The following NAALADL2 variants were observed in gnomAD, a reference collection of about 807,000 sequenced individuals.
The protein encoded by NAALADL2 is N-acetylated alpha-linked acidic dipeptidase like 2, also known as inactive N-acetylated-alpha-linked acidic dipeptidase-like protein 2.
A neutral mutation model predicts 87.2 loss-of-function variants in NAALADL2; 76 were observed. That is an observed-to-expected ratio of 0.87 (90% CI 0.72 to 1.05). The LOEUF is 1.05. Ranked by LOEUF, NAALADL2 falls within the 50% of genes least tolerant of loss-of-function variation. The probability of loss-of-function intolerance (pLI) is 0.00; values close to 1 mark genes in which losing one functional copy is unlikely to be tolerated. For missense variants in NAALADL2, 1,089 were observed against 945.8 expected, an observed-to-expected ratio of 1.15 and a Z score of -1.99; for synonymous variants, 354 against 331.0, an observed-to-expected ratio of 1.07 and a Z score of -0.75.
intron 6 of NAALADL2, among the ~76,000 whole-genome samples, chr3:175,449,394 C>CTTCTTTTTTTTT (rs1212551637): frequency 0.032 from 1,536 of 48,466 alleles, 21 homozygotes; most frequent in East Asian, 0.13. Flanking sequence ...TAATTTTCTT[C>CTTCTTTTTTTTT]TTTTTTTTTT....
intron 3 of NAALADL2, among the ~76,000 whole-genome samples, chr3:174,801,180 A>C (rs1398446348): frequency 6.6e-6 from 1 of 152,070 alleles, no homozygotes; most frequent in Non-Finnish European, 1.5e-5. Flanking sequence ...GGGCAGAATT[A>C]TATGGTTTGA....
chr3:174,789,194 T>C (rs1372513533), intron 3 of NAALADL2, among the ~76,000 whole-genome samples: 1 of 152,182 alleles, frequency 6.6e-6, no homozygotes, highest in African/African-American at 2.4e-5. Flanking sequence ...ACTCCAGGAC[T>C]GGGAGAGAGC....
intron 4 of NAALADL2, among the ~76,000 whole-genome samples, chr3:175,303,095 A>G (rs1213538920): frequency 2.0e-5 from 3 of 152,146 alleles, no homozygotes; most frequent in African/African-American, 4.8e-5. Flanking sequence ...CACATAACAT[A>G]CACATGGCAT....
intron 1 of NAALADL2, among the ~76,000 whole-genome samples, chr3:174,497,548 T>C (rs1396716199): frequency 6.6e-6 from 1 of 152,182 alleles, no homozygotes; most frequent in East Asian, 1.9e-4. Flanking sequence ...GTATACTTCC[T>C]CCATGGTCAT....
chr3:175,253,181 C>T (rs1394364743), intron 3 of NAALADL2, among the ~76,000 whole-genome samples: 1 of 152,136 alleles, frequency 6.6e-6, no homozygotes, highest in Non-Finnish European at 1.5e-5. Context: ...GGCCAGGCTT[C>T]CAAGCTCCAA....
chr3:175,389,032 C>T (rs1012064696), intron 5 of NAALADL2, among the ~76,000 whole-genome samples: 6 of 151,946 alleles, frequency 3.9e-5, no homozygotes, highest in African/African-American at 1.5e-4. Flanking sequence ...AGATAATCAT[C>T]CTGGAACCAT....
chr3:175,335,066 G>T (rs1053281710), intron 5 of NAALADL2, among the ~76,000 whole-genome samples: 6 of 152,076 alleles, frequency 3.9e-5, no homozygotes, highest in Non-Finnish European at 8.8e-5. Context: ...GAGACAACAG[G>T]CTCTCTCTTG....
chr3:175,550,451 A>G (rs1476648002), intron 9 of NAALADL2, among the ~76,000 whole-genome samples: 1 of 152,154 alleles, frequency 6.6e-6, no homozygotes, highest in Non-Finnish European at 1.5e-5. Context: ...TAGAAACAAC[A>G]TGAAGGCAAA....
intron 11 of NAALADL2, among the ~76,000 whole-genome samples, chr3:175,671,432 A>G (rs1733990733): frequency 6.6e-6 from 1 of 151,926 alleles, no homozygotes; most frequent in Non-Finnish European, 1.5e-5. Context: ...CCTCTTAATG[A>G]TAGTTTCAGA....
chr3:175,685,022 G>T (rs1255212847), intron 11 of NAALADL2, among the ~76,000 whole-genome samples: 3 of 152,108 alleles, frequency 2.0e-5, no homozygotes, highest in Non-Finnish European at 4.4e-5. Context: ...GGAGAGGTTT[G>T]CATAATTTTA....
chr3:175,442,483 T>G (rs559110771), intron 5 of NAALADL2, among the ~76,000 whole-genome samples: 1 of 152,312 alleles, frequency 6.6e-6, no homozygotes, highest in Non-Finnish European at 1.5e-5. Context: ...ACTTTGGCTC[T>G]ATGGCTCTGA....
At chr3:174,897,957 C>T (rs1327451320) in intron 1 of NAALADL2, among the ~76,000 whole-genome samples, 32 of 142,322 alleles carry the variant, frequency 2.2e-4, no homozygotes, top group Non-Finnish European at 3.0e-5. Flanking sequence ...ACTAAAAATA[C>T]AAAAAATTAG....
At chr3:175,791,216 G>A (rs1752738985) in intron 13 of NAALADL2, among the ~76,000 whole-genome samples, 1 of 152,204 alleles carries the variant, frequency 6.6e-6, no homozygotes, top group African/African-American at 2.4e-5. Context: ...AAAGAATCCT[G>A]TGGAAATACA....
intron 10 of NAALADL2, among the ~76,000 whole-genome samples, chr3:175,579,973 T>G (rs1263551703): frequency 1.3e-5 from 2 of 152,188 alleles, no homozygotes; most frequent in Non-Finnish European, 2.9e-5. Context: ...TACTTTTCGC[T>G]GTTCTGTTTG....
intron 2 of NAALADL2, among the ~76,000 whole-genome samples, chr3:174,670,759 T>C (rs1726453525): frequency 6.6e-6 from 1 of 152,128 alleles, no homozygotes; most frequent in Non-Finnish European, 1.5e-5. Flanking sequence ...TTTTGTCCCT[T>C]TGTTTAGCAG....
intron 12 of NAALADL2, among the ~76,000 whole-genome samples, chr3:175,741,595 T>C (rs79355232): frequency 0.014 from 2,086 of 152,180 alleles, 59 homozygotes; most frequent in South Asian, 0.13. Flanking sequence ...GTTTTTTTTT[T>C]AGGAGGGTAA....
At chr3:174,671,681 C>CCTT (rs1221987515) in intron 2 of NAALADL2, among the ~76,000 whole-genome samples, 3 of 152,032 alleles carry the variant, frequency 2.0e-5, no homozygotes, top group Non-Finnish European at 2.9e-5. Context: ...TACCCCCTCA[C>CCTT]CTTCTATTCT....
intron 11 of NAALADL2, among the ~76,000 whole-genome samples, chr3:175,732,601 G>A (rs1177651235): frequency 6.6e-6 from 1 of 152,122 alleles, no homozygotes; most frequent in South Asian, 2.1e-4. Flanking sequence ...ATGGATAAGA[G>A]AACTTCCGAG....
chr3:174,683,270 G>A (rs1232508091), intron 2 of NAALADL2, among the ~76,000 whole-genome samples: 1 of 152,068 alleles, frequency 6.6e-6, no homozygotes, highest in African/African-American at 2.4e-5. Context: ...CTAGAAAGTA[G>A]CCTCAAAAGG....
Sources: gnomAD v4.1 joint callset for allele counts (sites outside exome capture counted in the v4.1 genomes callset) on GRCh38, gnomAD v4.1.1 for gene constraint, MANE v1.5 for transcripts, NCBI Gene and HGNC (gene_info 2026-07-23, HGNC 2026-07-21) for gene names.